Variants in MGAT4C observed in about 807,000 individuals in gnomAD.
MGAT4C encodes alpha-1,3-mannosyl-glycoprotein 4-beta-N-acetylglucosaminyltransferase C.
MGAT4C carries 19 observed loss-of-function variants against 40.1 expected under a neutral mutation model. The ratio of observed to expected loss-of-function variants is 0.47; its 90% CI spans 0.33 to 0.70. MGAT4C has a LOEUF of 0.70. Among genes scored for constraint, MGAT4C ranks in the 30% least tolerant of loss-of-function variants. The probability of loss-of-function intolerance (pLI) is 0.02; values close to 1 mark genes in which losing one functional copy is unlikely to be tolerated. For synonymous variants in MGAT4C, 181 were observed against 187.1 expected (o/e 0.97, Z 0.27); for missense variants, 491 against 563.2 (o/e 0.87, Z 1.30).
At chr12:86,671,361 G>C (rs1290912870) in intron 2 of MGAT4C, among the ~76,000 whole-genome samples, 1 of 152,130 alleles carries the variant, frequency 6.6e-6, no homozygotes, top group African/African-American at 2.4e-5. Flanking sequence ...GTTAAAGGCA[G>C]CTAGAGAAAA....
At chr12:86,742,535 G>A (rs780822470) in intron 1 of MGAT4C, among the ~76,000 whole-genome samples, 52 of 151,560 alleles carry the variant, frequency 3.4e-4, no homozygotes, top group South Asian at 1.0e-3. Context: ...CATTTTTGCT[G>A]TAGTCAGATT....
chr12:86,368,497 C>T (rs1474376408), intron 3 of MGAT4C, among the ~76,000 whole-genome samples: 2 of 150,590 alleles, frequency 1.3e-5, no homozygotes, highest in African/African-American at 4.9e-5. Flanking sequence ...TATTTGAGGT[C>T]TTTTGTCTTT....
intron 2 of MGAT4C, among the ~76,000 whole-genome samples, chr12:86,021,709 G>A (rs1229597098): frequency 2.6e-5 from 4 of 152,062 alleles, no homozygotes; most frequent in Admixed American, 1.3e-4. Context: ...TGCACGTTGT[G>A]CACATGTACC....
Position 85,974,004 on chromosome 12 carries a change from C to T in MGAT4C, c.*5285G>A, listed in dbSNP as rs774712772. 1 of 150,862 alleles carries T rather than the reference C, an allele frequency of 6.6e-6. No homozygotes were observed. Among genetic ancestry groups the T allele is most frequent in the Non-Finnish European group, 1.5e-5 (1 of 67,086 alleles). 9.3% of individuals were successfully genotyped at this position (150,862 alleles called of 1,614,324 possible). A position where few individuals can be genotyped will look rare whatever the true frequency, so the allele number is the denominator to read the frequency against. ...GAACAGATTAATGAGGTGGAAGGGA[C>T]TAGAACTTTGGGAAAGTGCAACCTT... is the stretch of plus-strand genomic sequence containing the variant. On this transcript the variant is annotated 3_prime_UTR_variant, in exon 5 of 5. Transcript: ENST00000611864.
intron 3 of MGAT4C, among the ~76,000 whole-genome samples, chr12:86,428,013 C>G (rs547729325): frequency 1.3e-5 from 2 of 151,722 alleles, no homozygotes; most frequent in Non-Finnish European, 2.9e-5. Flanking sequence ...GAGCGAGAGT[C>G]CATTTCAAAA....
At chr12:86,284,888 ACAGT>A (rs1037927854) in intron 4 of MGAT4C, among the ~76,000 whole-genome samples, 4 of 152,022 alleles carry the variant, frequency 2.6e-5, no homozygotes. Flanking sequence ...TGTCATCTGC[ACAGT>A]CAATTATTTT....
chr12:86,114,191 G>T (rs75707338), intron 1 of MGAT4C, among the ~76,000 whole-genome samples: 408 of 151,720 alleles, frequency 2.7e-3, no homozygotes, highest in African/African-American at 9.4e-3. Flanking sequence ...CTGGTGTGTC[G>T]TCCCTTCTCT....
chr12:86,182,136 T>C (rs1888198902), intron 1 of MGAT4C, among the ~76,000 whole-genome samples: 3 of 152,138 alleles, frequency 2.0e-5, no homozygotes, highest in Admixed American at 2.0e-4. Context: ...CTCTTGGACA[T>C]TGAATAAAAT....
At chr12:86,321,814 G>C (rs1040795837) in intron 4 of MGAT4C, among the ~76,000 whole-genome samples, 6 of 152,084 alleles carry the variant, frequency 3.9e-5, no homozygotes, top group Non-Finnish European at 5.9e-5. Context: ...AGACAGTGTG[G>C]AGATTCCTCA....
In MGAT4C at chr12:86,343,154, T is replaced by C. The variant is rs370430315; in HGVS notation, c.-119-9027A>G. 8.8e-4 allele frequency among the ~76,000 whole-genome samples: 134 copies of C among 152,250 alleles called. No individual in the cohort carries two copies. In the South Asian group the frequency reaches 0.026, roughly 30 times the overall value. On this transcript the variant is annotated intron_variant, in intron 3 of 7. Transcript: ENST00000548651. ...CTACTTCAGTTCCAGGTAAACTATA[T>C]AGGCTCCAGAAAGCAGAAGACAGGA...
intron 1 of MGAT4C, among the ~76,000 whole-genome samples, chr12:86,822,312 C>A (rs1404559563): frequency 4.6e-5 from 7 of 151,000 alleles, no homozygotes; most frequent in Non-Finnish European, 8.9e-5. Context: ...GCAAGACTAA[C>A]AAAACAAATC....
chr12:86,397,857 G>A (rs1956288351), intron 3 of MGAT4C, among the ~76,000 whole-genome samples: 1 of 152,128 alleles, frequency 6.6e-6, no homozygotes, highest in South Asian at 2.1e-4. Context: ...CAGCTATCTG[G>A]GAGGCTGAAG....
intron 3 of MGAT4C, among the ~76,000 whole-genome samples, chr12:86,378,399 C>T (rs995872943): frequency 3.9e-5 from 6 of 152,048 alleles, no homozygotes; most frequent in Non-Finnish European, 8.8e-5. Flanking sequence ...TTTTCCTTAG[C>T]TAATTCATAA....
intron 1 of MGAT4C, among the ~76,000 whole-genome samples, chr12:86,750,356 T>G (rs1466708742): frequency 6.6e-6 from 1 of 151,882 alleles, no homozygotes. Flanking sequence ...GTCTTAAAAG[T>G]GAACTTGAAT....
chr12:86,304,970 A>C (rs2136143630), intron 4 of MGAT4C, among the ~76,000 whole-genome samples: 1 of 150,880 alleles, frequency 6.6e-6, no homozygotes, highest in African/African-American at 2.5e-5. Flanking sequence ...GTGAGACAAT[A>C]ACTTTCTGTT....
intron 2 of MGAT4C, among the ~76,000 whole-genome samples, chr12:86,691,912 T>A (rs1026842073): frequency 3.3e-5 from 5 of 152,122 alleles, no homozygotes; most frequent in Admixed American, 2.6e-4. Context: ...CAATTGATAG[T>A]TCTACTTCTG....
intron 1 of MGAT4C, among the ~76,000 whole-genome samples, chr12:86,166,568 A>C (rs926508704): frequency 2.6e-5 from 4 of 152,134 alleles, no homozygotes; most frequent in Non-Finnish European, 5.9e-5. Flanking sequence ...GCTACTCGGG[A>C]GGCTGAGGCA....
At chr12:86,001,532 A>G (rs561615887) in intron 2 of MGAT4C, 17 of 624,294 alleles carry the variant, frequency 2.7e-5, no homozygotes, top group Middle Eastern at 1.6e-3. Flanking sequence ...TGATTGATGG[A>G]TGAGCCATTG....
chr12:86,566,633 A>C (rs1391319027), intron 2 of MGAT4C, among the ~76,000 whole-genome samples: 1 of 142,238 alleles, frequency 7.0e-6, no homozygotes, highest in Non-Finnish European at 1.5e-5. Flanking sequence ...TATATGTATT[A>C]TATATACATA....
Sources: allele counts gnomAD v4.1 joint callset (sites outside exome capture counted in the v4.1 genomes callset), GRCh38; gene constraint gnomAD v4.1.1; transcripts MANE v1.5; gene names NCBI Gene and HGNC (gene_info 2026-07-23, HGNC 2026-07-21).